The following CA4 variants were observed in gnomAD, a reference collection of about 807,000 sequenced individuals.
CA4 encodes the protein carbonic anhydrase 4, also known as CA-IV.
Under a neutral mutation model 34.5 loss-of-function variants are expected in CA4, and 24 were observed. That is an observed-to-expected ratio of 0.70 (90% CI 0.50 to 0.98). The LOEUF is 0.98. Among genes scored for constraint, CA4 ranks in the 50% least tolerant of loss-of-function variants. The pLI is 0.00. For missense variants in CA4, 394 were observed against 396.7 expected (o/e 0.99, Z 0.06); for synonymous variants, 178 against 170.6 (o/e 1.04, Z -0.34).
the CA4 span, among the ~76,000 whole-genome samples, chr17:60,176,623 C>T: frequency 6.6e-6 from 1 of 152,166 alleles, no homozygotes; most frequent in Non-Finnish European, 1.5e-5. Flanking sequence ...AGTTTACCAC[C>T]TGCTCTCTAC....
intron 2 of CA4, among the ~76,000 whole-genome samples, chr17:60,156,332 C>A (rs1236899799): frequency 6.6e-6 from 1 of 152,190 alleles, no homozygotes; most frequent in African/African-American, 2.4e-5. Context: ...CACACTGGGG[C>A]TAGACTCCCC....
chr17:60,173,277 T>C (rs1450584446), downstream of CA4, among the ~76,000 whole-genome samples: 4 of 152,258 alleles, frequency 2.6e-5, no homozygotes, highest in Non-Finnish European at 4.4e-5. Context: ...AATACTTTTA[T>C]TACAACTGGC....
rs1198020796 is a variant in CA4 at position 60,157,430 on chromosome 17, T to C, written c.272T>C (p.Met91Thr). Residue 91 changes from methionine to threonine, a missense_variant, in exon 4 of 8, where the codon ATG (methionine) becomes ACG (threonine). Met to Thr is a moderately conservative substitution (Grantham distance 81, BLOSUM62 -1). Transcript: ENST00000300900. ...WTVQNNGHSV[M>T]MLLENKASIS... ...TCTGCCCCTTCTGTGCTCCCAGTGA[T>C]GATGTTGCTGGAGAACAAGGCCAGC... 2 of 1,614,048 alleles carry C rather than the reference T, an allele frequency of 1.2e-6. No homozygotes were observed. Among genetic ancestry groups the C allele is most frequent in the Non-Finnish European group, 1.7e-6 (2 of 1,180,034 alleles).
chr17:60,171,053 T>C (rs540977983), downstream of CA4, among the ~76,000 whole-genome samples: 2 of 152,368 alleles, frequency 1.3e-5, no homozygotes, highest in East Asian at 1.9e-4. Context: ...GCATCCCTCA[T>C]AGAGCTGTGG....
At chr17:60,158,932 C>A (rs2083746215) in intron 7 of CA4, 4 of 489,482 alleles carry the variant, frequency 8.2e-6, no homozygotes, top group Non-Finnish European at 1.5e-5. Context: ...GATGCTAACG[C>A]ATGCTCAAGT....
intron 1 of CA4, among the ~76,000 whole-genome samples, chr17:60,153,076 A>G (rs1363496707): frequency 6.6e-6 from 1 of 152,136 alleles, no homozygotes; most frequent in Non-Finnish European, 1.5e-5. Context: ...GGTGGCTCAC[A>G]CCTGTAATCC....
At chr17:60,155,504 C>CAA (rs2083663385) in intron 2 of CA4, 137 bp downstream of exon 2, 1 of 619,524 alleles carries the variant, frequency 1.6e-6, no homozygotes, top group Admixed American at 2.1e-5. Context: ...AGCATACACA[C>CAA]ACACACACAC....
chr17:60,168,358 TG>T lies in CA4; in HGVS notation c.*179-2185del, dbSNP rs1263224307. Among the ~76,000 whole-genome samples, 6 of 34,706 alleles carry T rather than the reference TG, an allele frequency of 1.7e-4. 2 individuals carry two copies. The highest frequency in any genetic ancestry group is 1.5e-3 in the Admixed American group (4 of 2,744). 22.8% of individuals were successfully genotyped at this position (34,706 alleles called of 152,430 possible). On this transcript the variant is annotated intron_variant and NMD_transcript_variant, in intron 5 of 5. Coordinates refer to the CA4 transcript ENST00000586876. The stretch of plus-strand genomic sequence containing the variant: ...GGTGAAGAAGGGTGATTTCTTTTTT[TG>T]GGGGGGGCAGGTGGGGAAGGGTGAT...
chr17:60,155,540 C>T (rs1341005204), intron 2 of CA4, among the ~76,000 whole-genome samples, 173 bp downstream of exon 2: 3 of 128,842 alleles, frequency 2.3e-5, no homozygotes, highest in Non-Finnish European at 5.1e-5. Context: ...CTCTCTCTCT[C>T]ACACACACAC....
downstream of CA4, among the ~76,000 whole-genome samples, chr17:60,159,723 C>A (rs1019147994): frequency 1.3e-5 from 2 of 152,182 alleles, no homozygotes; most frequent in African/African-American, 4.8e-5. Context: ...ACCCCACTCC[C>A]TTCTACCAGG....
In CA4 at chr17:60,158,099, G is replaced by A. The variant is rs758768243; in HGVS notation, c.552G>A (p.Val184=). ...TGAACGAGGGCTTCCAGCCACTGGT[G>A]GAGGCACTGTCTAATATCCCCAAAC... is the stretch of plus-strand genomic sequence containing the variant. ...TQVNEGFQPL[V]EALSNIPKPE... The change falls in exon 6 of 8, where the codon GTG becomes GTA. Residue 184 remains valine (V), a synonymous_variant. Coordinates refer to ENST00000300900, the MANE Select transcript of CA4 (RefSeq NM_000717.5). 5.6e-6 allele frequency: 9 copies of A among 1,614,132 alleles called. No homozygotes were observed. In the South Asian group the frequency reaches 6.6e-5, roughly 12 times the overall value.
At chr17:60,175,189 ATTTTTTTTTTTT>A (rs555031745), downstream of CA4, among the ~76,000 whole-genome samples, 1 of 107,690 alleles carries the variant, frequency 9.3e-6, no homozygotes, top group Non-Finnish European at 1.7e-5. Flanking sequence ...CACCCAGCTG[ATTTTTTTTTTTT>A]TTTTTTTTAG....
In CA4 at chr17:60,158,068, C is replaced by CCCAGGTGAACGAGGGCTT. The variant is rs756216621; in HGVS notation, c.526_543dup (p.Val176_Gln181dup). On this transcript the variant is annotated inframe_insertion, in exon 6 of 8. Coordinates refer to ENST00000300900, the MANE Select transcript of CA4 (RefSeq NM_000717.5). The stretch of plus-strand genomic sequence containing the variant: ...CCTTCCCTCCCTTTCCAGGCTGGAA[C>CCCAGGTGAACGAGGGCTT]CCAGGTGAACGAGGGCTTCCAGCCA... The CCCAGGTGAACGAGGGCTT allele has an allele frequency of 6.2e-7, 1 of 1,613,818 alleles. No individual in the cohort carries two copies. The highest frequency in any genetic ancestry group is 1.3e-5 in the African/African-American group (1 of 74,926).
intron 5 of CA4, among the ~76,000 whole-genome samples, chr17:60,169,250 C>CCAAAAAAAAAA (rs879230939): frequency 8.1e-6 from 1 of 122,894 alleles, no homozygotes; most frequent in African/African-American, 3.3e-5. Context: ...CCCTCTGTCT[C>CCAAAAAAAAAA]AAAAAAAAAA....
At chr17:60,157,213 G>T (rs563421843) in intron 3 of CA4, among the ~76,000 whole-genome samples, 1 of 152,246 alleles carries the variant, frequency 6.6e-6, no homozygotes, top group Non-Finnish European at 1.5e-5. Context: ...GTGCAGGAGA[G>T]GGGGAGGCAG....
intron 6 of CA4, 36 bp from the exon 7 acceptor site, chr17:60,158,247 C>T (rs187824026): frequency 6.2e-7 from 1 of 1,612,620 alleles, no homozygotes; most frequent in African/African-American, 1.3e-5. Flanking sequence ...CTCCTTCTCC[C>T]ACCCTCACTG....
intron 6 of CA4, 22 bp from the exon 7 acceptor site, chr17:60,158,261 G>C (rs528920785): frequency 6.2e-7 from 1 of 1,613,892 alleles, no homozygotes; most frequent in South Asian, 1.1e-5. Flanking sequence ...CTCACTGACA[G>C]TGTCCTCTGC....
At chr17:60,156,887 T>C in intron 3 of CA4, 172 bp downstream of exon 3, 1 of 673,662 alleles carries the variant, frequency 1.5e-6, no homozygotes, top group African/African-American at 1.8e-5. Context: ...CTCTAGTATG[T>C]TTTCGTTACT....
chr17:60,168,793 G>A (rs2083884527), intron 5 of CA4, among the ~76,000 whole-genome samples: 1 of 152,170 alleles, frequency 6.6e-6, no homozygotes, highest in South Asian at 2.1e-4. Flanking sequence ...TAGTTGAAGA[G>A]CACACTTGAG....
Sources: gnomAD v4.1 joint callset for allele counts (sites outside exome capture counted in the v4.1 genomes callset) on GRCh38, gnomAD v4.1.1 for gene constraint, MANE v1.5 for transcripts, NCBI Gene and HGNC (gene_info 2026-07-23, HGNC 2026-07-21) for gene names.